CCSER1: variants seen among roughly 807,000 people sequenced by gnomAD.
CCSER1 encodes the protein coiled-coil serine rich protein 1, also known as serine-rich coiled-coil domain-containing protein 1.
CCSER1 carries 41 observed loss-of-function variants against 82.0 expected under a neutral mutation model. That is an observed-to-expected ratio of 0.50 (90% CI 0.39 to 0.65). The LOEUF (loss-of-function observed/expected upper bound fraction) is 0.65, where lower values mean the gene tolerates loss of function less well. CCSER1 is among the 30% of genes least tolerant of loss of function. The pLI is 0.00. For missense variants in CCSER1, 1,119 were observed against 1,064.2 expected, an observed-to-expected ratio of 1.05 and a Z score of -0.72; for synonymous variants, 414 against 383.9, an observed-to-expected ratio of 1.08 and a Z score of -0.92.
chr4:90,610,252 C>CAAATAAAT (rs201777020), intron 5 of CCSER1, among the ~76,000 whole-genome samples: 285 of 136,008 alleles, frequency 2.1e-3, no homozygotes, highest in South Asian at 5.0e-3. Context: ...GACTCCATCT[C>CAAATAAAT]AAATAAATAA....
intron 6 of CCSER1, among the ~76,000 whole-genome samples, chr4:90,690,219 A>T (rs1344488695): frequency 2.0e-5 from 3 of 152,072 alleles, no homozygotes; most frequent in Non-Finnish European, 4.4e-5. Context: ...TTGATATTGA[A>T]GGCACAATAC....
intron 5 of CCSER1, among the ~76,000 whole-genome samples, chr4:90,567,455 T>A (rs1486618172): frequency 2.0e-5 from 3 of 152,090 alleles, no homozygotes; most frequent in Non-Finnish European, 4.4e-5. Context: ...TACGCTTTCC[T>A]AATTTTGTAT....
chr4:91,552,846 T>A (rs1762222027), intron 10 of CCSER1, among the ~76,000 whole-genome samples: 1 of 151,614 alleles, frequency 6.6e-6, no homozygotes, highest in African/African-American at 2.4e-5. Flanking sequence ...TCTTCCTTTT[T>A]TATTTGGAGG....
chr4:91,110,373 G>A (rs918528595), intron 10 of CCSER1, among the ~76,000 whole-genome samples: 1 of 151,816 alleles, frequency 6.6e-6, no homozygotes, highest in African/African-American at 2.4e-5. Context: ...TAAAAATGAT[G>A]ACCTCAATAT....
chr4:90,999,707 T>G (rs1476422258), intron 9 of CCSER1, among the ~76,000 whole-genome samples: 2 of 152,202 alleles, frequency 1.3e-5, no homozygotes, highest in African/African-American at 4.8e-5. Flanking sequence ...GATAGTTTCT[T>G]TTGCTGTGCA....
intron 10 of CCSER1, among the ~76,000 whole-genome samples, chr4:91,287,383 T>A (rs1743358405): frequency 6.6e-6 from 1 of 152,010 alleles, no homozygotes; most frequent in African/African-American, 2.4e-5. Context: ...CTTTTTTCTG[T>A]ATCTACTGTT....
At chr4:90,717,040 A>G (rs1205111110) in intron 6 of CCSER1, among the ~76,000 whole-genome samples, 1 of 152,142 alleles carries the variant, frequency 6.6e-6, no homozygotes, top group Admixed American at 6.6e-5. Context: ...TCAGACAGAA[A>G]CACGTTCTTA....
chr4:91,156,809 C>T (rs1020175033), intron 10 of CCSER1, among the ~76,000 whole-genome samples: 54 of 151,988 alleles, frequency 3.6e-4, no homozygotes, highest in African/African-American at 1.3e-3. Flanking sequence ...CCCTAGATTT[C>T]ATTTGCTGCC....
intron 8 of CCSER1, chr4:90,838,809 T>C (rs940384133): frequency 8.6e-6 from 13 of 1,505,638 alleles, no homozygotes; most frequent in Non-Finnish European, 1.2e-5. Flanking sequence ...TGATCCAACC[T>C]CTTTGCATCT....
rs140136005 is a variant in CCSER1, at chr4:90,559,240, C to G, written c.1725-68785C>G. 4.7e-3 allele frequency among the ~76,000 whole-genome samples: 709 copies of G among 152,234 alleles called. 6 individuals carry two copies. The highest frequency in any genetic ancestry group is 0.016 in the African/African-American group (664 of 41,554). On this transcript the variant is annotated intron_variant, in intron 5 of 10. Coordinates refer to ENST00000509176, the MANE Select transcript of CCSER1 (RefSeq NM_001145065.2). ...CTGCCCCCCTTTTATTAATTGCTCC[C>G]TACTTTTTTTATAGGTTCTAATTCC...
At chr4:91,544,981 C>G (rs1300713426) in intron 10 of CCSER1, among the ~76,000 whole-genome samples, 1 of 152,098 alleles carries the variant, frequency 6.6e-6, no homozygotes, top group Non-Finnish European at 1.5e-5. Context: ...TAGCCGCTTT[C>G]TTTACCTACT....
chr4:91,584,877 C>A (rs548332393), intron 10 of CCSER1, among the ~76,000 whole-genome samples: 3 of 151,434 alleles, frequency 2.0e-5, no homozygotes, highest in Non-Finnish European at 4.4e-5. Flanking sequence ...TTAATTATAA[C>A]CACTGTTTGT....
At chr4:91,035,522 C>T (rs116399202) in intron 9 of CCSER1, among the ~76,000 whole-genome samples, 10 of 152,180 alleles carry the variant, frequency 6.6e-5, no homozygotes, top group African/African-American at 1.9e-4. Flanking sequence ...ATTATTATCG[C>T]GGAAATCTCT....
intron 10 of CCSER1, among the ~76,000 whole-genome samples, chr4:91,119,965 T>G (rs1426204025): frequency 1.3e-5 from 2 of 152,128 alleles, no homozygotes; most frequent in East Asian, 3.9e-4. Flanking sequence ...GTTTTATAAA[T>G]TATCTAGTTC....
In CCSER1 at chr4:90,229,471, T is replaced by C. The variant is rs549673808; in HGVS notation, c.-41-78773T>C. Among the ~76,000 whole-genome samples the C allele has an allele frequency of 2.6e-3, 400 of 151,854 alleles. 1 individual carries two copies. The highest frequency in any genetic ancestry group is 8.9e-3 in the African/African-American group (368 of 41,432). ...GCCCTAAAAGTGCTCCTGAAGGAAG[T>C]GCCAAACATGGAAAGGAACAACTGA... On this transcript the variant is annotated intron_variant, in intron 1 of 10. Transcript: ENST00000509176.
chr4:91,056,853 T>TA (rs780626861), intron 9 of CCSER1, among the ~76,000 whole-genome samples: 11 of 152,214 alleles, frequency 7.2e-5, no homozygotes, highest in Admixed American at 1.3e-4. Context: ...TGGGCATGTG[T>TA]AGTGACTTTC....
chr4:90,196,707 T>TA (rs1736699801), intron 1 of CCSER1, among the ~76,000 whole-genome samples: 1 of 144,522 alleles, frequency 6.9e-6, no homozygotes, highest in Non-Finnish European at 1.5e-5. Flanking sequence ...CTCATTGTCT[T>TA]ATACATTCTA....
intron 1 of CCSER1, among the ~76,000 whole-genome samples, chr4:90,296,283 A>G (rs1731894766): frequency 6.6e-6 from 1 of 151,990 alleles, no homozygotes; most frequent in Non-Finnish European, 1.5e-5. Context: ...AATTATTTGT[A>G]ACAGACGGTT....
In CCSER1 at chr4:90,858,172, C is replaced by T. The variant is rs1471565526; in HGVS notation, c.2094+42327C>T. ...TGTGATTCTAGAGAACTCACTTTATCTCTTTTTCCTATATTTCCATCCTGA... is the reference window on the plus strand; with the variant it reads ...TGTGATTCTAGAGAACTCACTTTATTTCTTTTTCCTATATTTCCATCCTGA... On this transcript the variant is annotated intron_variant, in intron 8 of 10. Transcript: ENST00000509176. Among the ~76,000 whole-genome samples, 6 of 152,184 alleles carry T rather than the reference C, an allele frequency of 3.9e-5. No homozygotes were observed. In the East Asian group the frequency reaches 1.2e-3, roughly 29 times the overall value.
Sources: gnomAD v4.1 joint callset for allele counts (sites outside exome capture counted in the v4.1 genomes callset) on GRCh38, gnomAD v4.1.1 for gene constraint, MANE v1.5 for transcripts, NCBI Gene and HGNC (gene_info 2026-07-23, HGNC 2026-07-21) for gene names.